ILDR1: variants seen among roughly 807,000 people sequenced by gnomAD.
ILDR1 encodes immunoglobulin-like domain-containing receptor 1.
A neutral mutation model predicts 62.4 loss-of-function variants in ILDR1; 56 were observed. The ratio of observed to expected loss-of-function variants is 0.90; its 90% CI spans 0.72 to 1.12. The LOEUF (loss-of-function observed/expected upper bound fraction) is 1.12, where lower values mean the gene tolerates loss of function less well. Among genes scored for constraint, ILDR1 ranks in the 50% most tolerant of loss-of-function variants. The pLI, the probability that ILDR1 is intolerant of heterozygous loss-of-function variation, is 0.00. For synonymous variants in ILDR1, 284 were observed against 277.8 expected (o/e 1.02, Z -0.22); for missense variants, 736 against 710.6 (o/e 1.04, Z -0.41).
At chr3:122,023,106 G>T (rs1363988397), upstream of ILDR1, among the ~76,000 whole-genome samples, 1 of 150,670 alleles carries the variant, frequency 6.6e-6, no homozygotes, top group East Asian at 1.9e-4. Flanking sequence ...GTTCAAGTAG[G>T]TATATTTATT....
At chr3:122,053,492 A>G in the ILDR1 span, among the ~76,000 whole-genome samples, 2 of 152,110 alleles carry the variant, frequency 1.3e-5, no homozygotes, top group Non-Finnish European at 2.9e-5. Context: ...GTAATATAAA[A>G]ATACTAAAAG....
chr3:122,041,628 G>C, the ILDR1 span, among the ~76,000 whole-genome samples: 2 of 152,028 alleles, frequency 1.3e-5, no homozygotes, highest in Non-Finnish European at 2.9e-5. Flanking sequence ...TTACCTTTTT[G>C]TTTAAGTTTA....
upstream of ILDR1, among the ~76,000 whole-genome samples, chr3:122,024,782 G>A (rs1249457843): frequency 5.3e-5 from 8 of 152,194 alleles, no homozygotes; most frequent in Admixed American, 3.9e-4. Context: ...AGAATAATGA[G>A]CCTAGGTGAG....
chr3:122,004,448 A>AT (rs1320061176), intron 3 of ILDR1, among the ~76,000 whole-genome samples: 1 of 152,194 alleles, frequency 6.6e-6, no homozygotes, highest in Non-Finnish European at 1.5e-5. Flanking sequence ...GGCAAGTCCC[A>AT]TTTTATAGAA....
intron 7 of ILDR1, among the ~76,000 whole-genome samples, chr3:121,989,925 C>G (rs1170485446): frequency 2.0e-5 from 3 of 152,150 alleles, no homozygotes; most frequent in Non-Finnish European, 2.9e-5. Flanking sequence ...AAAAGTTGTT[C>G]CATTTATGTT....
intron 1 of ILDR1, among the ~76,000 whole-genome samples, chr3:122,017,042 CTTTAT>C (rs887713227): frequency 2.6e-5 from 4 of 152,060 alleles, no homozygotes; most frequent in African/African-American, 7.2e-5. Context: ...CTTCTCAATT[CTTTAT>C]TTTATTTTAT....
the ILDR1 span, among the ~76,000 whole-genome samples, chr3:122,044,660 T>C: frequency 1.1e-4 from 16 of 151,136 alleles, no homozygotes; most frequent in Non-Finnish European, 1.9e-4. Context: ...GTGTATGTGT[T>C]GAGGAATTTA....
the ILDR1 span, among the ~76,000 whole-genome samples, chr3:122,057,303 T>G: frequency 6.6e-6 from 1 of 152,200 alleles, no homozygotes; most frequent in Non-Finnish European, 1.5e-5. Context: ...GTGATGGATA[T>G]TTTTCTTGCT....
the ILDR1 span, among the ~76,000 whole-genome samples, chr3:122,055,856 A>G: frequency 6.6e-6 from 1 of 152,140 alleles, no homozygotes; most frequent in African/African-American, 2.4e-5. Context: ...TACCAGGGTC[A>G]GTTTGGTCTG....
chr3:122,011,614 T>C (rs954195705), intron 1 of ILDR1, among the ~76,000 whole-genome samples: 2 of 149,044 alleles, frequency 1.3e-5, no homozygotes, highest in Non-Finnish European at 3.0e-5. Context: ...CACAGCATCC[T>C]GTGCAGACCT....
chr3:121,998,776 C>G (rs1433186725), intron 5 of ILDR1, among the ~76,000 whole-genome samples: 1 of 152,116 alleles, frequency 6.6e-6, no homozygotes, highest in Non-Finnish European at 1.5e-5. Context: ...TAGGGGGCCC[C>G]ACAGTCCAAT....
the ILDR1 span, among the ~76,000 whole-genome samples, chr3:122,028,335 C>CAAAAAA: frequency 1.0e-5 from 1 of 95,510 alleles, no homozygotes; most frequent in Non-Finnish European, 2.1e-5. Context: ...GACTCCATCT[C>CAAAAAA]AAAAAAAAAA....
At chr3:122,023,582 G>A (rs550522100), upstream of ILDR1, among the ~76,000 whole-genome samples, 7 of 152,150 alleles carry the variant, frequency 4.6e-5, no homozygotes, top group Admixed American at 2.0e-4. Flanking sequence ...CTACCCAGAG[G>A]AGCATCCTTG....
chr3:122,001,580 C>T (rs2071526305), intron 4 of ILDR1, 126 bp from the exon 5 acceptor site: 2 of 1,475,158 alleles, frequency 1.4e-6, no homozygotes, highest in East Asian at 4.5e-5. Flanking sequence ...GAGCAATATA[C>T]TGGCAAAAAG....
At chr3:122,056,398 A>G in the ILDR1 span, among the ~76,000 whole-genome samples, 1 of 152,284 alleles carries the variant, frequency 6.6e-6, no homozygotes, top group Non-Finnish European at 1.5e-5. Flanking sequence ...GCAGTGGCGC[A>G]ATCTCAGCTC....
At chr3:122,034,101 A>G in the ILDR1 span, among the ~76,000 whole-genome samples, 90 of 152,308 alleles carry the variant, frequency 5.9e-4, no homozygotes, top group Middle Eastern at 0.01. Flanking sequence ...AAGCCTTCCA[A>G]TGTAAGAACT....
chr3:121,993,515 G>C lies in ILDR1; in HGVS notation c.1234C>G (p.Pro412Ala). ...CTGTCCCTGTCTGACCAGTGTATGG[G>C]TGACCCATTCAGCCTAGAGCTACGG... ...RHRSSRLNGS[P>A]IHWSDRDSLS... The change falls in exon 7 of 8, where the codon CCC becomes GCC. Residue 412 changes from proline to alanine, a missense_variant. Coordinates refer to ENST00000344209, the MANE Select transcript of ILDR1 (RefSeq NM_001199799.2). 1 of 1,614,234 alleles carries C rather than the reference G, an allele frequency of 6.2e-7. No individual in the cohort carries two copies. The highest frequency in any genetic ancestry group is 8.5e-7 in the Non-Finnish European group (1 of 1,180,038).
At chr3:121,993,003 A>G (rs1391203945) in intron 7 of ILDR1, 147 bp downstream of exon 7, 2 of 723,364 alleles carry the variant, frequency 2.8e-6, no homozygotes, top group African/African-American at 3.5e-5. Context: ...GAGGTAGTCC[A>G]CCTAGCCCAC....
rs145794433 is a variant in ILDR1 at position 121,993,602 on chromosome 3, G to A, written c.1147C>T (p.Arg383Trp). The A allele has an allele frequency of 7.7e-5, 125 of 1,614,184 alleles. No homozygotes were observed. The highest frequency in any genetic ancestry group is 3.3e-4 in the Middle Eastern group (2 of 6,062). ...TCCAATGCCCAAGACTTTGGCCCCC[G>A]GTCCTGGAGCTCCTGGTGGAAATCA... The part of the protein sequence containing the change: ...YPDFHQELQD[R>W]GPKSWALERR... Residue 383 changes from arginine to tryptophan, a missense_variant, in exon 7 of 8, where the codon CGG becomes TGG. Transcript: ENST00000344209.
Sources: allele counts gnomAD v4.1 joint callset (sites outside exome capture counted in the v4.1 genomes callset), GRCh38; gene constraint gnomAD v4.1.1; transcripts MANE v1.5; gene names NCBI Gene and HGNC (gene_info 2026-07-23, HGNC 2026-07-21).